Variants in MICAL3 observed in about 807,000 individuals in gnomAD.
MICAL3 encodes microtubule associated monooxygenase, calponin and LIM domain containing 3.
A neutral mutation model predicts 207.4 loss-of-function variants in MICAL3; 62 were observed. That is an observed-to-expected ratio of 0.30 (90% CI 0.24 to 0.37). The LOEUF (loss-of-function observed/expected upper bound fraction) is 0.37, where lower values mean the gene tolerates loss of function less well. MICAL3 is among the 10% of genes least tolerant of loss of function. The pLI, the probability that MICAL3 is intolerant of heterozygous loss-of-function variation, is 1.00. For missense variants in MICAL3, 2,368 were observed against 2,635.6 expected (o/e 0.90, Z 2.22); for synonymous variants, 1,077 against 1,069.3 (o/e 1.01, Z -0.14).
rs1268640925 is a variant in MICAL3, at chr22:17,796,452, G to A, written c.5651-5151C>T. ...GCACCACCCACGTGATCCTCACACC[G>A]GCCAGGTGTGGCTGCCAGGATGGGC... On this transcript the variant is annotated intron_variant, in intron 29 of 31. Coordinates refer to ENST00000441493, the MANE Select transcript of MICAL3 (RefSeq NM_015241.3). The surrounding 1 kb of genome is among the most constrained non-coding windows in gnomAD (Gnocchi z 4.4). Among the ~76,000 whole-genome samples the A allele has an allele frequency of 2.0e-5, 3 of 152,224 alleles. No homozygotes were observed. Among genetic ancestry groups the A allele is most frequent in the African/African-American group, 2.4e-5 (1 of 41,454 alleles).
At chr22:17,897,980 C>T (rs1390866368) in intron 7 of MICAL3, among the ~76,000 whole-genome samples, 1 of 152,172 alleles carries the variant, frequency 6.6e-6, no homozygotes, top group Non-Finnish European at 1.5e-5. Context: ...TCAGCCACCA[C>T]TACAAGATGT....
At chr22:17,916,175 G>C (rs147546329) in intron 1 of MICAL3, among the ~76,000 whole-genome samples, 1 of 150,990 alleles carries the variant, frequency 6.6e-6, no homozygotes, top group Admixed American at 6.6e-5. Context: ...GCATTCTTCC[G>C]CAAGTTTCTA....
At chr22:17,857,276 G>A (rs1431822441) in intron 19 of MICAL3, among the ~76,000 whole-genome samples, 7 of 152,200 alleles carry the variant, frequency 4.6e-5, no homozygotes, top group Non-Finnish European at 1.0e-4. Context: ...TGTCAGATCA[G>A]CGGTGGCGGC....
At chr22:17,840,330 G>A (rs1923886514) in intron 20 of MICAL3, 2 of 152,192 alleles carry the variant, frequency 1.3e-5, no homozygotes. Context: ...GACCTTAAGT[G>A]ATGTGCCCAC....
chr22:18,003,520 G>C (rs970303845), intron 1 of MICAL3, among the ~76,000 whole-genome samples: 3 of 152,160 alleles, frequency 2.0e-5, no homozygotes, highest in Admixed American at 6.5e-5. Flanking sequence ...AACTCAATCT[G>C]TGACAACCAT....
At chr22:17,984,013 G>A (rs13057016) in intron 1 of MICAL3, among the ~76,000 whole-genome samples, 30,177 of 152,160 alleles carry the variant, frequency 0.2, 3,160 homozygotes, top group Middle Eastern at 0.27. Flanking sequence ...ATAGGAACTC[G>A]TGTACTATTC....
intron 19 of MICAL3, among the ~76,000 whole-genome samples, chr22:17,859,470 C>T (rs1926276246): frequency 6.6e-6 from 1 of 152,216 alleles, no homozygotes; most frequent in Non-Finnish European, 1.5e-5. Context: ...GGGAACAGTG[C>T]CACGGCTGCT....
intron 1 of MICAL3, among the ~76,000 whole-genome samples, chr22:17,935,961 C>G (rs1933499241): frequency 6.6e-6 from 1 of 152,156 alleles, no homozygotes; most frequent in Non-Finnish European, 1.5e-5. Context: ...AATAGGAACG[C>G]TTTTACACTG....
intron 1 of MICAL3, among the ~76,000 whole-genome samples, chr22:18,014,008 G>A (rs551442023): frequency 1.3e-5 from 2 of 151,878 alleles, no homozygotes; most frequent in South Asian, 4.2e-4. Context: ...TGTTGCCCAG[G>A]CTGGTATCAA....
rs11451637 is a variant in MICAL3, at chr22:17,994,721, C to CAA, written c.-75+29558_-75+29559dup. Among the ~76,000 whole-genome samples, 73 of 126,656 alleles carry CAA rather than the reference C, an allele frequency of 5.8e-4. 1 individual carries two copies. Among genetic ancestry groups the CAA allele is most frequent in the East Asian group, 1.1e-3 (5 of 4,568 alleles). 83.1% of individuals were successfully genotyped at this position (126,656 alleles called of 152,430 possible). ...GGGGCCACAGAGTAAGACTCTGTCT[C>CAA]AAAAAAAAAAAAGAAAAAAAAAGAA... On this transcript the variant is annotated intron_variant, in intron 1 of 31. Transcript: ENST00000441493.
At chr22:17,867,072 T>A (rs932200698) in intron 17 of MICAL3, among the ~76,000 whole-genome samples, 1 of 152,254 alleles carries the variant, frequency 6.6e-6, no homozygotes, top group Non-Finnish European at 1.5e-5. Flanking sequence ...AAAGGTAAGA[T>A]GGCATTCTTC....
At chr22:17,879,197 G>C (rs1234074614) in intron 16 of MICAL3, 1 of 615,540 alleles carries the variant, frequency 1.6e-6, no homozygotes, top group Non-Finnish European at 2.8e-6. Context: ...CTAGCAAAAA[G>C]AATTCTGGCT....
intron 1 of MICAL3, among the ~76,000 whole-genome samples, chr22:17,921,078 T>C (rs1267330933): frequency 3.3e-5 from 5 of 152,148 alleles, no homozygotes; most frequent in Admixed American, 3.3e-4. Context: ...AGCATTTCTG[T>C]TAAAATTCAC....
intron 11 of MICAL3, 78 bp from the exon 12 acceptor site, chr22:17,891,710 A>G: frequency 7.0e-7 from 1 of 1,420,556 alleles, no homozygotes; most frequent in Non-Finnish European, 9.7e-7. Flanking sequence ...TGTAGGACAC[A>G]TGTCCCCTTT....
chr22:17,883,892 C>T (rs1929638839), intron 16 of MICAL3, among the ~76,000 whole-genome samples: 1 of 152,296 alleles, frequency 6.6e-6, no homozygotes, highest in Admixed American at 6.5e-5. Flanking sequence ...AACTCTCAGG[C>T]CTGACATACT....
intron 1 of MICAL3, among the ~76,000 whole-genome samples, chr22:17,907,417 C>T (rs1042358243): frequency 1.3e-5 from 2 of 152,134 alleles, no homozygotes; most frequent in African/African-American, 4.8e-5. Context: ...GACATCAGGC[C>T]AATGGATTAA....
intron 3 of MICAL3, among the ~76,000 whole-genome samples, 188 bp downstream of exon 3, chr22:17,904,444 A>AT (rs2146263767): frequency 6.6e-6 from 1 of 152,356 alleles, no homozygotes; most frequent in South Asian, 2.1e-4. Flanking sequence ...AGAGTCCTAA[A>AT]TTATAGAACC....
chr22:17,978,058 A>AAAAT lies in MICAL3; in HGVS notation c.-75+46222_-75+46223insATTT, dbSNP rs1199734104. ...AATAAATAATAAAATAAAATAAAAT[A>AAAAT]AAAAAATATACACCTACACAAAAAC... On this transcript the variant is annotated intron_variant, in intron 1 of 31. Coordinates refer to ENST00000441493, the MANE Select transcript of MICAL3 (RefSeq NM_015241.3). Among the ~76,000 whole-genome samples, 467 of 138,538 alleles carry AAAAT rather than the reference A, an allele frequency of 3.4e-3. 2 individuals are homozygous for AAAAT. The highest frequency in any genetic ancestry group is 5.8e-3 in the Non-Finnish European group (370 of 63,268). The allele number at this position is 138,538 out of a possible 152,430, so 90.9% of individuals were successfully genotyped here. A position where few individuals can be genotyped will look rare whatever the true frequency, so the allele number is the denominator to read the frequency against.
chr22:17,849,644 ATGTGTGTGTGTGTGTGTG>A (rs149239378), intron 19 of MICAL3, among the ~76,000 whole-genome samples: 32 of 79,462 alleles, frequency 4.0e-4, no homozygotes, highest in South Asian at 2.5e-3. Flanking sequence ...CCAGAATGGA[ATGTGTGTGTGTGTGTGTG>A]TGTGTGTGTG....
Sources: gnomAD v4.1 joint callset for allele counts (sites outside exome capture counted in the v4.1 genomes callset) on GRCh38, gnomAD v4.1.1 for gene constraint, Gnocchi (gnomAD v3.1) non-coding constraint, MANE v1.5 for transcripts, NCBI Gene and HGNC (gene_info 2026-07-23, HGNC 2026-07-21) for gene names.